The following KIFC3 variants were observed in gnomAD, a reference collection of about 807,000 sequenced individuals.
KIFC3 encodes the protein kinesin family member C3.
Under a neutral mutation model 101.8 loss-of-function variants are expected in KIFC3, and 60 were observed. The ratio of observed to expected loss-of-function variants is 0.59; its 90% CI spans 0.48 to 0.73. The LOEUF (loss-of-function observed/expected upper bound fraction) is 0.73. Ranked by LOEUF, KIFC3 falls within the 30% of genes least tolerant of loss-of-function variation. The pLI is 0.00. For missense variants in KIFC3, 966 were observed against 1,137.1 expected (o/e 0.85, Z 2.16); for synonymous variants, 476 against 482.7 (o/e 0.99, Z 0.18).
rs1422801946 is a variant in KIFC3, at chr16:57,762,563, G to A, written c.1618-293C>T. On this transcript the variant is annotated intron_variant, in intron 12 of 19. Transcript: ENST00000445690. ...CACACAGGGCAGCTGAGGGCCAGAT[G>A]CATGCCTGGCCCTGTGGGGCCACCT... 2.0e-5 allele frequency among the ~76,000 whole-genome samples: 3 copies of A among 152,310 alleles called. No homozygotes were observed. The East Asian group carries it at 5.8e-4, about 29-fold the overall frequency.
At chr16:57,761,590 G>A in intron 13 of KIFC3, 54 bp from the exon 14 acceptor site, 1 of 1,587,846 alleles carries the variant, frequency 6.3e-7, no homozygotes, top group Admixed American at 1.7e-5. Flanking sequence ...GCTGCTGTTT[G>A]CACTGCACCC....
chr16:57,770,111 C>T (rs1353423752), intron 7 of KIFC3, among the ~76,000 whole-genome samples, 156 bp from the exon 8 acceptor site: 2 of 152,230 alleles, frequency 1.3e-5, no homozygotes, highest in Non-Finnish European at 2.9e-5. Context: ...TTGTCTCCCT[C>T]CCCCTACAGG....
chr16:57,765,599 C>T lies in KIFC3; in HGVS notation c.1372G>A (p.Glu458Lys), dbSNP rs373105926. The T allele has an allele frequency of 1.9e-6, 3 of 1,611,934 alleles. No individual in the cohort carries two copies. Among genetic ancestry groups the T allele is most frequent in the Non-Finnish European group, 2.5e-6 (3 of 1,179,074 alleles). ...VIARVRPVTK[E>K]DGEGPEATNA... ...GTGGCCTCAGGTCCTTCCCCATCCT[C>T]TTTGGTGACTGGCCGGACACGAGCA... Residue 458 changes from glutamate (E) to lysine (K), a missense_variant, in exon 11 of 20, where the codon GAG (glutamate) becomes AAG (lysine). This residue lies in a region of KIFC3 where 689 missense variants were observed against 884.6 expected (regional missense o/e 0.78). Transcript: ENST00000445690.
At chr16:57,764,057 AC>A in intron 12 of KIFC3, 85 bp downstream of exon 12, 1 of 936,580 alleles carries the variant, frequency 1.1e-6, no homozygotes, top group Non-Finnish European at 1.7e-6. Flanking sequence ...CAAAACACAC[AC>A]TGCACAATAC....
chr16:57,860,444 ACT>A (rs762959264), intron 1 of KIFC3, among the ~76,000 whole-genome samples: 37 of 151,844 alleles, frequency 2.4e-4, no homozygotes, highest in Non-Finnish European at 4.7e-4. Context: ...CAGGAGTGAA[ACT>A]CTGTCTCAAA....
rs1378071046 is a variant in KIFC3, at chr16:57,815,297, T to A, written c.109-17015A>T. ...GCTGTGGGGGTCCTGGGAGGCTGACTGGAGGCAGAATTGTGCTCATTTGTA... is the reference window on the plus strand; with the variant it reads ...GCTGTGGGGGTCCTGGGAGGCTGACAGGAGGCAGAATTGTGCTCATTTGTA... On this transcript the variant is annotated intron_variant, in intron 1 of 2. Transcript: ENST00000563028. 3 of 424,508 alleles carry A rather than the reference T, an allele frequency of 7.1e-6. No homozygotes were observed. The South Asian group carries it at 1.1e-4, about 16-fold the overall frequency. 26.3% of individuals were successfully genotyped at this position (424,508 alleles called of 1,614,324 possible). A position where few individuals can be genotyped will look rare whatever the true frequency, so the allele number is the denominator to read the frequency against.
chr16:57,803,118 C>G, upstream of KIFC3: 1 of 1,254,910 alleles, frequency 8.0e-7, no homozygotes, highest in East Asian at 2.5e-5. Context: ...ACCCCCAGCC[C>G]CACCCCAGCA....
intron 16 of KIFC3, 116 bp downstream of exon 16, chr16:57,760,610 T>C (rs1246927391): frequency 9.2e-7 from 1 of 1,089,906 alleles, no homozygotes. Flanking sequence ...ACAGGGTGTG[T>C]GTGGCCAGGT....
intron 3 of KIFC3, among the ~76,000 whole-genome samples, chr16:57,780,401 C>T (rs2052572065): frequency 6.6e-6 from 1 of 151,844 alleles, no homozygotes; most frequent in Non-Finnish European, 1.5e-5. Flanking sequence ...GTCCCAGCTA[C>T]TCAGGAGGCT....
Position 57,769,749 on chromosome 16 carries a change from G to T in KIFC3, c.1088-24C>A. On this transcript the variant is annotated intron_variant, in intron 8 of 19. Transcript: ENST00000445690. The surrounding 1 kb of genome is among the most constrained non-coding windows in gnomAD (Gnocchi z 4.3). ...GCCTATGGGGACACTCGGGCTGTGAGGCGGGAGGGGATGAGGGGCCGCGGC... is the reference window on the plus strand; with the variant it reads ...GCCTATGGGGACACTCGGGCTGTGATGCGGGAGGGGATGAGGGGCCGCGGC... The T allele has an allele frequency of 1.2e-6, 2 of 1,612,760 alleles. No individual in the cohort carries two copies. Among genetic ancestry groups the T allele is most frequent in the African/African-American group, 1.3e-5 (1 of 75,018 alleles).
At chr16:57,799,788 C>T (rs922259143) in intron 1 of KIFC3, among the ~76,000 whole-genome samples, 3 of 152,190 alleles carry the variant, frequency 2.0e-5, no homozygotes, top group East Asian at 3.9e-4. Context: ...GAGCTCCAGG[C>T]AAGTATAGAG....
intron 1 of KIFC3, among the ~76,000 whole-genome samples, chr16:57,824,519 C>T (rs782581016): frequency 2.6e-5 from 4 of 152,012 alleles, no homozygotes; most frequent in Non-Finnish European, 5.9e-5. Flanking sequence ...CCTGTCCCTA[C>T]AAAAAATACA....
At chr16:57,858,758 C>G (rs559394243) in intron 1 of KIFC3, among the ~76,000 whole-genome samples, 1 of 152,156 alleles carries the variant, frequency 6.6e-6, no homozygotes. Context: ...ACCAGCCTGG[C>G]CAACACGGTA....
At chr16:57,858,572 C>T (rs1257682109) in intron 1 of KIFC3, among the ~76,000 whole-genome samples, 1 of 152,088 alleles carries the variant, frequency 6.6e-6, no homozygotes, top group Non-Finnish European at 1.5e-5. Flanking sequence ...TGTATAATTG[C>T]ATGTCATTAA....
At chr16:57,849,845 G>C (rs1490947093) in intron 1 of KIFC3, among the ~76,000 whole-genome samples, 2 of 152,178 alleles carry the variant, frequency 1.3e-5, no homozygotes, top group Non-Finnish European at 2.9e-5. Flanking sequence ...GGAGGTTGCA[G>C]TGAGCCGAGA....
chr16:57,813,866 G>A lies in KIFC3; in HGVS notation c.109-15584C>T, dbSNP rs144033777. ...GCTCTCCTGGACATAAAAGCCATGC[G>A]GTCCCTGGTAGACAGGTAGGCAGAG... On this transcript the variant is annotated intron_variant, in intron 1 of 2. Transcript: ENST00000563028. 2.1e-4 allele frequency: 204 copies of A among 985,396 alleles called. 1 individual carries two copies. The East Asian group carries it at 0.015, about 73-fold the overall frequency. 61.0% of individuals were successfully genotyped at this position (985,396 alleles called of 1,614,324 possible). A position where few individuals can be genotyped will look rare whatever the true frequency, so the allele number is the denominator to read the frequency against.
chr16:57,761,385 C>CTCTAGAGCAG (rs2049836180), intron 14 of KIFC3, 28 bp downstream of exon 14: 1 of 1,613,638 alleles, frequency 6.2e-7, no homozygotes, highest in African/African-American at 1.3e-5. Context: ...AGCAGTGTGG[C>CTCTAGAGCAG]TGTGGTCAGG....
chr16:57,780,653 G>A (rs779906118), intron 3 of KIFC3, among the ~76,000 whole-genome samples: 78 of 144,478 alleles, frequency 5.4e-4, no homozygotes, highest in East Asian at 2.6e-3. Context: ...CCAGCCTGTG[G>A]TCTCTGAAGA....
rs1356593041 is a variant in KIFC3, at chr16:57,762,014, C to G, written c.1748+126G>C. On this transcript the variant is annotated intron_variant, in intron 13 of 19. Transcript: ENST00000445690. ...GCTCCAGCACCACCCCTGAGGATCC[C>G]AAAGCTGCCCCTGAGGCCTGCTCCC... is the stretch of plus-strand genomic sequence containing the variant. The G allele has an allele frequency of 3.9e-6, 5 of 1,269,806 alleles. No homozygotes were observed. The African/African-American group carries it at 6.0e-5, about 15-fold the overall frequency. The allele number at this position is 1,269,806 out of a possible 1,614,324, so 78.7% of individuals were successfully genotyped here. A position where few individuals can be genotyped will look rare whatever the true frequency, so the allele number is the denominator to read the frequency against.
Sources: allele counts gnomAD v4.1 joint callset (sites outside exome capture counted in the v4.1 genomes callset), GRCh38; gene constraint gnomAD v4.1.1; regional missense constraint gnomAD v4.1.1; non-coding constraint Gnocchi (gnomAD v3.1); transcripts MANE v1.5; gene names NCBI Gene and HGNC (gene_info 2026-07-23, HGNC 2026-07-21).